VTI1A: variants seen among roughly 807,000 people sequenced by gnomAD.
VTI1A encodes the protein vesicle transport through interaction with t-SNAREs 1A, also known as vesicle transport through interaction with t-SNAREs homolog 1A.
A neutral mutation model predicts 34.9 loss-of-function variants in VTI1A; 22 were observed. That is an observed-to-expected ratio of 0.63 (90% CI 0.45 to 0.90). The LOEUF is 0.90. Among genes scored for constraint, VTI1A ranks in the 40% least tolerant of loss-of-function variants. The pLI, the probability that VTI1A is intolerant of heterozygous loss-of-function variation, is 0.00. For synonymous variants in VTI1A, 87 were observed against 97.3 expected (o/e 0.89, Z 0.62); for missense variants, 268 against 275.6 (o/e 0.97, Z 0.20).
chr10:112,537,923 A>G (rs944220001), intron 4 of VTI1A, among the ~76,000 whole-genome samples: 7 of 152,206 alleles, frequency 4.6e-5, no homozygotes, highest in Admixed American at 1.3e-4. Context: ...AGTATCTCAT[A>G]TATCCATCTC....
chr10:112,530,172 A>G (rs529542460), intron 4 of VTI1A, among the ~76,000 whole-genome samples: 1 of 152,304 alleles, frequency 6.6e-6, no homozygotes, highest in South Asian at 2.1e-4. Context: ...TCAATCAAAT[A>G]TAGCTAATGC....
chr10:112,628,352 G>A (rs927225732), intron 5 of VTI1A, among the ~76,000 whole-genome samples: 3 of 152,214 alleles, frequency 2.0e-5, no homozygotes, highest in Admixed American at 6.5e-5. Context: ...TGCAAAACGA[G>A]GTTATTGTAA....
chr10:112,709,808 G>A (rs767034353), intron 7 of VTI1A, among the ~76,000 whole-genome samples: 3 of 146,250 alleles, frequency 2.1e-5, no homozygotes, highest in South Asian at 2.2e-4. Flanking sequence ...CTTGTGCCTC[G>A]GCCTCCCAGG....
intron 7 of VTI1A, among the ~76,000 whole-genome samples, chr10:112,724,680 A>T (rs1015983962): frequency 1.3e-5 from 2 of 151,888 alleles, no homozygotes; most frequent in African/African-American, 4.8e-5. Context: ...GCAAGTTTGG[A>T]CATGAACTCA....
At chr10:112,528,761 C>T (rs1850328474) in intron 4 of VTI1A, among the ~76,000 whole-genome samples, 1 of 152,120 alleles carries the variant, frequency 6.6e-6, no homozygotes, top group Non-Finnish European at 1.5e-5. Context: ...ATCTTTCCCT[C>T]ATTTGAAACT....
chr10:112,837,530 T>A, the VTI1A span, among the ~76,000 whole-genome samples: 2 of 152,204 alleles, frequency 1.3e-5, no homozygotes, highest in Non-Finnish European at 2.9e-5. Context: ...CCTACCCTCC[T>A]GAGGGCTTCA....
chr10:112,683,745 A>T (rs1012675610), intron 7 of VTI1A, among the ~76,000 whole-genome samples: 1 of 152,146 alleles, frequency 6.6e-6, no homozygotes, highest in African/African-American at 2.4e-5. Context: ...AAGGATTTTT[A>T]AAAACCTCTC....
At chr10:112,834,185 C>T in the VTI1A span, among the ~76,000 whole-genome samples, 1 of 152,144 alleles carries the variant, frequency 6.6e-6, no homozygotes, top group Non-Finnish European at 1.5e-5. Context: ...AATGGAAGCC[C>T]ATCACAGCCC....
chr10:112,471,124 C>T (rs1001643494), intron 3 of VTI1A, among the ~76,000 whole-genome samples: 2 of 152,082 alleles, frequency 1.3e-5, no homozygotes, highest in African/African-American at 4.8e-5. Flanking sequence ...CAAAAATACA[C>T]CAAAGAAGTA....
chr10:112,609,771 G>T (rs369538510), intron 5 of VTI1A, among the ~76,000 whole-genome samples: 2 of 152,206 alleles, frequency 1.3e-5, no homozygotes, highest in Admixed American at 6.5e-5. Context: ...TGAATTAAAT[G>T]TTCTGGGTTT....
chr10:112,715,016 C>G (rs1312273502), intron 7 of VTI1A, among the ~76,000 whole-genome samples: 2 of 152,134 alleles, frequency 1.3e-5, no homozygotes, highest in Non-Finnish European at 2.9e-5. Context: ...CAAATATTTC[C>G]TCTTTTAAGT....
chr10:112,557,577 G>T (rs2134318978), intron 5 of VTI1A, among the ~76,000 whole-genome samples: 1 of 152,180 alleles, frequency 6.6e-6, no homozygotes, highest in East Asian at 1.9e-4. Context: ...AATACTTAAG[G>T]TATATTGCAG....
intron 5 of VTI1A, among the ~76,000 whole-genome samples, chr10:112,643,098 C>T (rs1037526453): frequency 3.3e-5 from 5 of 150,452 alleles, no homozygotes; most frequent in African/African-American, 1.2e-4. Flanking sequence ...AATTCTCATG[C>T]CTCAGCCTCC....
intron 3 of VTI1A, 98 bp downstream of exon 3, chr10:112,464,755 T>G (rs1847841571): frequency 9.9e-7 from 1 of 1,010,706 alleles, no homozygotes; most frequent in Non-Finnish European, 1.5e-6. Flanking sequence ...TTTGGGCTCA[T>G]GTAGAAGACA....
At chr10:112,622,177 C>A (rs1368530423) in intron 5 of VTI1A, among the ~76,000 whole-genome samples, 1 of 152,140 alleles carries the variant, frequency 6.6e-6, no homozygotes, top group African/African-American at 2.4e-5. Context: ...AGAAATGTAT[C>A]AACAACATGC....
rs1036095594 is a variant in VTI1A, at chr10:112,607,379, A to C, written c.428-60839A>C. On this transcript the variant is annotated intron_variant, in intron 5 of 7. Transcript: ENST00000393077. ...GGTGAGCCAAGATAGCAGAGCAGTT[A>C]TACTTCCCCTGTTACAGCACTTAAG... is the stretch of plus-strand genomic sequence containing the variant. Among the ~76,000 whole-genome samples the C allele has an allele frequency of 3.3e-5, 5 of 152,052 alleles. 1 individual carries two copies. The highest frequency in any genetic ancestry group is 1.2e-4 in the African/African-American group (5 of 41,408).
In VTI1A at chr10:112,464,526, A is replaced by G. The variant is rs371203459; in HGVS notation, c.154-21A>G. 8.2e-6 allele frequency: 13 copies of G among 1,592,334 alleles called. No individual in the cohort carries two copies. The African/African-American group carries it at 1.6e-4, about 20-fold the overall frequency. On this transcript the variant is annotated intron_variant, in intron 2 of 7. Transcript: ENST00000393077. ...AGAATAACAGTGTGTTTTAAATCACATTTTTCTTTCCCTCTTCTAGCTTGA... is the reference window on the plus strand; with the variant it reads ...AGAATAACAGTGTGTTTTAAATCACGTTTTTCTTTCCCTCTTCTAGCTTGA...
At chr10:112,613,878 C>G (rs1384778183) in intron 5 of VTI1A, among the ~76,000 whole-genome samples, 1 of 152,198 alleles carries the variant, frequency 6.6e-6, no homozygotes, top group Non-Finnish European at 1.5e-5. Flanking sequence ...GTCTGTCATG[C>G]GTCAGCCTCA....
At chr10:112,712,010 A>T (rs1849433953) in intron 7 of VTI1A, among the ~76,000 whole-genome samples, 1 of 152,214 alleles carries the variant, frequency 6.6e-6, no homozygotes, top group Admixed American at 6.5e-5. Context: ...ATGACTCTTC[A>T]TGGCTGCCCA....
Sources: gnomAD v4.1 joint callset for allele counts (sites outside exome capture counted in the v4.1 genomes callset) on GRCh38, gnomAD v4.1.1 for gene constraint, MANE v1.5 for transcripts, NCBI Gene and HGNC (gene_info 2026-07-23, HGNC 2026-07-21) for gene names.